NRIP3: variants seen among roughly 807,000 people sequenced by gnomAD.
NRIP3 encodes nuclear receptor-interacting protein 3.
NRIP3 carries 31 observed loss-of-function variants against 29.0 expected under a neutral mutation model. The observed-to-expected ratio is 1.07, with a 90% CI of 0.80 to 1.44. NRIP3 has a LOEUF of 1.44. NRIP3 is among the 40% of genes most tolerant of loss of function. The pLI is 0.00. For synonymous variants in NRIP3, 131 were observed against 118.3 expected, an observed-to-expected ratio of 1.11 and a Z score of -0.70; for missense variants, 314 against 297.9, an observed-to-expected ratio of 1.05 and a Z score of -0.40.
At position 8,981,819 on chromosome 11, in the gene NRIP3, T is replaced by C. The variant is rs905977876; in HGVS notation, c.*1726A>G. ...TCTAGCTTCTTTAGGTAGAGGCTGA[T>C]AGGAAGGGGGCCTAGGGAATGACCC... On this transcript the variant is annotated 3_prime_UTR_variant, in exon 7 of 7. Coordinates refer to ENST00000309166, the MANE Select transcript of NRIP3 (RefSeq NM_020645.3). 5 of 152,112 alleles carry C rather than the reference T, an allele frequency of 3.3e-5. No individual in the cohort carries two copies. Among genetic ancestry groups the C allele is most frequent in the African/African-American group, 1.2e-4 (5 of 41,410 alleles). 9.4% of individuals were successfully genotyped at this position (152,112 alleles called of 1,614,324 possible). A position where few individuals can be genotyped will look rare whatever the true frequency, so the allele number is the denominator to read the frequency against.
At chr11:9,000,871 C>T (rs1466957597) in intron 1 of NRIP3, among the ~76,000 whole-genome samples, 1 of 151,988 alleles carries the variant, frequency 6.6e-6, no homozygotes, top group Non-Finnish European at 1.5e-5. Flanking sequence ...GAGTTCAAGA[C>T]CAGCCTGGGC....
intron 1 of NRIP3, among the ~76,000 whole-genome samples, chr11:8,997,371 A>AG (rs1431263575): frequency 7.3e-5 from 11 of 150,312 alleles, no homozygotes; most frequent in Non-Finnish European, 1.5e-4. Context: ...AAAAAAAAAA[A>AG]AAAAAAAGAA....
chr11:8,992,880 C>T (rs905313442), intron 1 of NRIP3, among the ~76,000 whole-genome samples: 4 of 151,814 alleles, frequency 2.6e-5, no homozygotes, highest in Non-Finnish European at 5.9e-5. Context: ...CCACTGCACT[C>T]CAGCCTGGGT....
chr11:8,983,694 A>C (rs1255622341), intron 6 of NRIP3, 134 bp from the exon 7 acceptor site: 7 of 911,518 alleles, frequency 7.7e-6, no homozygotes, highest in Non-Finnish European at 1.2e-5. Context: ...GCTCATTCTG[A>C]TGTGTGCACT....
chr11:9,001,744 TCACCCCAGCGCTTGCGGCTCTCC>T lies in NRIP3; in HGVS notation c.174+1995_174+2017del, dbSNP rs1286700696. Among the ~76,000 whole-genome samples, 10 of 144,572 alleles carry T rather than the reference TCACCCCAGCGCTTGCGGCTCTCC, an allele frequency of 6.9e-5. 1 individual carries two copies. Among genetic ancestry groups the T allele is most frequent in the African/African-American group, 2.9e-4 (10 of 34,216 alleles). 94.8% of individuals were successfully genotyped at this position (144,572 alleles called of 152,430 possible). A position where few individuals can be genotyped will look rare whatever the true frequency, so the allele number is the denominator to read the frequency against. ...TCCAAGAGAGTTTAAGCATGCTGCC[TCACCCCAGCGCTTGCGGCTCTCC>T]TAGCCCTACCTCGGTCTGCCTTGGT... On this transcript the variant is annotated intron_variant, in intron 1 of 6. Transcript: ENST00000309166.
intron 4 of NRIP3, among the ~76,000 whole-genome samples, chr11:8,984,813 A>C (rs1012202367): frequency 1.3e-5 from 2 of 151,946 alleles, no homozygotes; most frequent in African/African-American, 2.4e-5. Flanking sequence ...CTCAAGGGAC[A>C]TTTTCACCTA....
rs530562690 is a variant in NRIP3 at position 8,998,754 on chromosome 11, C to T, written c.174+5008G>A. Reference sequence around the variant, plus strand: ...TCTACATTTAAGTAACTAATTGGGACCCTAAACTTGTTCAAAAATCAAACT... The same window carrying T: ...TCTACATTTAAGTAACTAATTGGGATCCTAAACTTGTTCAAAAATCAAACT... On this transcript the variant is annotated intron_variant, in intron 1 of 6. Coordinates refer to ENST00000309166, the MANE Select transcript of NRIP3 (RefSeq NM_020645.3). Among the ~76,000 whole-genome samples, 5 of 151,342 alleles carry T rather than the reference C, an allele frequency of 3.3e-5. No individual in the cohort carries two copies. In the South Asian group the frequency reaches 8.4e-4, roughly 25 times the overall value.
At chr11:8,997,236 G>A (rs1183338661) in intron 1 of NRIP3, among the ~76,000 whole-genome samples, 1 of 150,820 alleles carries the variant, frequency 6.6e-6, no homozygotes, top group East Asian at 1.9e-4. Context: ...TTAGCCAGGT[G>A]TGGTGGTGGG....
At chr11:8,987,735 C>A in intron 2 of NRIP3, 105 bp from the exon 3 acceptor site, 1 of 870,198 alleles carries the variant, frequency 1.1e-6, no homozygotes, top group Non-Finnish European at 2.0e-6. Context: ...GGTTGGAGAG[C>A]ATCCTCCCAA....
chr11:8,982,519 G>A lies in NRIP3; in HGVS notation c.*1026C>T, dbSNP rs1356085745. 1 of 157,728 alleles carries A rather than the reference G, an allele frequency of 6.3e-6. No individual in the cohort carries two copies. The highest frequency in any genetic ancestry group is 1.4e-5 in the Non-Finnish European group (1 of 72,044). The allele number at this position is 157,728 out of a possible 1,614,324, so 9.8% of individuals were successfully genotyped here. On this transcript the variant is annotated 3_prime_UTR_variant, in exon 7 of 7. Coordinates refer to ENST00000309166, the MANE Select transcript of NRIP3 (RefSeq NM_020645.3). ...GTCCTTGACAGACACATAATAGGAT[G>A]GGCAGAAATGCTGATCGGATCTTGG...
In NRIP3 at chr11:9,003,779, CCAG is replaced by C; in HGVS notation, c.154_156del (p.Leu52del). The stretch of plus-strand genomic sequence containing the variant: ...GGGCTCACCATGTCCTTGGACGAGC[CCAG>C]CTTCTTGAGGCCGTCCAGGGGCAGC... On this transcript the variant is annotated inframe_deletion, in exon 1 of 7. Transcript: ENST00000309166. The C allele has an allele frequency of 6.7e-7, 1 of 1,486,136 alleles. No homozygotes were observed. Among genetic ancestry groups the C allele is most frequent in the Non-Finnish European group, 9.0e-7 (1 of 1,114,480 alleles). The allele number at this position is 1,486,136 out of a possible 1,614,324, so 92.1% of individuals were successfully genotyped here. A position where few individuals can be genotyped will look rare whatever the true frequency, so the allele number is the denominator to read the frequency against.
At chr11:8,988,490 T>G (rs1166070430) in intron 1 of NRIP3, among the ~76,000 whole-genome samples, 1 of 152,168 alleles carries the variant, frequency 6.6e-6, no homozygotes, top group Non-Finnish European at 1.5e-5. Context: ...CCTGAATGAA[T>G]GAAAATGCAA....
intron 1 of NRIP3, among the ~76,000 whole-genome samples, chr11:8,996,185 T>C (rs1166882794): frequency 2.0e-5 from 3 of 152,078 alleles, no homozygotes; most frequent in Admixed American, 6.5e-5. Flanking sequence ...GCAGGGACCA[T>C]GACTGTCTTG....
At chr11:8,984,700 G>A (rs932952554) in intron 4 of NRIP3, among the ~76,000 whole-genome samples, 1 of 152,202 alleles carries the variant, frequency 6.6e-6, no homozygotes, top group African/African-American at 2.4e-5. Flanking sequence ...GTAGTCAAGA[G>A]TAAAATGTAG....
chr11:9,003,683 A>G, intron 1 of NRIP3, 79 bp downstream of exon 1: 7 of 1,310,648 alleles, frequency 5.3e-6, no homozygotes, highest in Middle Eastern at 2.9e-4. Flanking sequence ...GACTCAGTGA[A>G]AGCCGCAACG....
intron 1 of NRIP3, among the ~76,000 whole-genome samples, chr11:8,999,091 G>C (rs966839005): frequency 3.0e-4 from 46 of 152,012 alleles, no homozygotes; most frequent in African/African-American, 1.1e-3. Flanking sequence ...GCATGAGCCA[G>C]CGCGCCCAGC....
At chr11:8,998,651 C>G (rs1566140543) in intron 1 of NRIP3, among the ~76,000 whole-genome samples, 1 of 152,272 alleles carries the variant, frequency 6.6e-6, no homozygotes, top group African/African-American at 2.4e-5. Flanking sequence ...TCTGGCACAT[C>G]TGACTATTAC....
chr11:8,983,337 A>G lies in NRIP3; in HGVS notation c.*208T>C, dbSNP rs545643828. The G allele has an allele frequency of 1.0e-5, 6 of 592,442 alleles. No homozygotes were observed. Among genetic ancestry groups the G allele is most frequent in the East Asian group, 2.9e-5 (1 of 34,816 alleles). The allele number at this position is 592,442 out of a possible 1,614,324, so 36.7% of individuals were successfully genotyped here. The stretch of plus-strand genomic sequence containing the variant: ...CTATAAGTTAAGTGATCAAAGTAGT[A>G]AAAAACAATGGCCATAACCAGACAA... On this transcript the variant is annotated 3_prime_UTR_variant, in exon 7 of 7. Transcript: ENST00000309166.
intron 2 of NRIP3, 95 bp downstream of exon 2, chr11:8,988,023 A>C: frequency 2.5e-6 from 3 of 1,211,868 alleles, no homozygotes; most frequent in Non-Finnish European, 3.5e-6. Flanking sequence ...CTCACTTATG[A>C]ATTCCATGAG....
Sources: gnomAD v4.1 joint callset for allele counts (sites outside exome capture counted in the v4.1 genomes callset) on GRCh38, gnomAD v4.1.1 for gene constraint, MANE v1.5 for transcripts, NCBI Gene and HGNC (gene_info 2026-07-23, HGNC 2026-07-21) for gene names.